The following SGCZ variants were observed in gnomAD, a reference collection of about 807,000 sequenced individuals.
SGCZ encodes zeta-sarcoglycan.
A neutral mutation model predicts 41.3 loss-of-function variants in SGCZ; 40 were observed. That is an observed-to-expected ratio of 0.97 (90% CI 0.75 to 1.26). The LOEUF (loss-of-function observed/expected upper bound fraction) is 1.26. Among genes scored for constraint, SGCZ ranks in the 50% most tolerant of loss-of-function variants. The probability of loss-of-function intolerance (pLI) is 0.00; values close to 1 mark genes in which losing one functional copy is unlikely to be tolerated. For synonymous variants in SGCZ, 206 were observed against 137.5 expected (o/e 1.50, Z -3.49); for missense variants, 552 against 369.8 (o/e 1.49, Z -4.04).
At chr8:15,035,549 A>G (rs758465081) in intron 1 of SGCZ, among the ~76,000 whole-genome samples, 11 of 152,144 alleles carry the variant, frequency 7.2e-5, no homozygotes, top group South Asian at 2.1e-4. Flanking sequence ...ATCAAATGAC[A>G]TAGAGTAGCT....
intron 5 of SGCZ, among the ~76,000 whole-genome samples, chr8:14,146,922 C>A (rs1001702669): frequency 1.5e-4 from 22 of 149,534 alleles, no homozygotes; most frequent in Non-Finnish European, 3.0e-4. Flanking sequence ...AGCAACTTTT[C>A]CAAGACATAG....
chr8:15,034,990 AT>A lies in SGCZ; in HGVS notation c.39+202594del, dbSNP rs377131318. Among the ~76,000 whole-genome samples the A allele has an allele frequency of 5.9e-5, 9 of 152,320 alleles. No individual in the cohort carries two copies. In the East Asian group the frequency reaches 1.4e-3, roughly 23 times the overall value. On this transcript the variant is annotated intron_variant, in intron 1 of 7. Transcript: ENST00000382080. ...TTTTAAGCTGAAACAAAGGAGTATA[AT>A]TAGTAATGAAAACACCTGAAAGTAT... is the stretch of plus-strand genomic sequence containing the variant.
chr8:15,226,015 A>G (rs149937778), intron 1 of SGCZ, among the ~76,000 whole-genome samples: 1 of 152,210 alleles, frequency 6.6e-6, no homozygotes, highest in Non-Finnish European at 1.5e-5. Context: ...AGCTATGATG[A>G]CTAAGTAACT....
At position 15,170,530 on chromosome 8, in the gene SGCZ, A is replaced by G. The variant is rs2117061667; in HGVS notation, c.39+67055T>C. On this transcript the variant is annotated intron_variant, in intron 1 of 7. Transcript: ENST00000382080. ...AATTCTTTCTCAGTGCCCCAACTCT[A>G]AAGTGCTTTCTTCTTCAACAGACTG... is the stretch of plus-strand genomic sequence containing the variant. 2.6e-5 allele frequency among the ~76,000 whole-genome samples: 4 copies of G among 152,312 alleles called. No individual in the cohort carries two copies. In the South Asian group the frequency reaches 8.3e-4, roughly 32 times the overall value.
At chr8:14,369,877 A>G (rs1322710459) in intron 2 of SGCZ, among the ~76,000 whole-genome samples, 2 of 152,178 alleles carry the variant, frequency 1.3e-5, no homozygotes, top group East Asian at 1.9e-4. Context: ...AACTAGTGAG[A>G]GAAAAATCAA....
chr8:14,318,964 C>G (rs146150156), intron 3 of SGCZ, among the ~76,000 whole-genome samples: 1 of 150,578 alleles, frequency 6.6e-6, no homozygotes, highest in African/African-American at 2.4e-5. Flanking sequence ...AATTAGAGAG[C>G]GTAAGGGCAA....
rs971486027 is a variant in SGCZ, at chr8:14,967,554, A to G, written c.39+270031T>C. On this transcript the variant is annotated intron_variant, in intron 1 of 7. Transcript: ENST00000382080. ...CTGCTTATTTGACATCAAGTTTTCT[A>G]TCCTTCAAAGGCATCTCAAACTCGC... 2.6e-5 allele frequency among the ~76,000 whole-genome samples: 4 copies of G among 152,146 alleles called. 1 individual carries two copies. In the East Asian group the frequency reaches 7.7e-4, roughly 29 times the overall value.
chr8:14,129,488 A>G (rs1802969480), intron 5 of SGCZ, among the ~76,000 whole-genome samples: 1 of 151,872 alleles, frequency 6.6e-6, no homozygotes, highest in South Asian at 2.1e-4. Flanking sequence ...GGGTAATGAA[A>G]GAAACCATAA....
rs146248989 is a variant in SGCZ, at chr8:14,419,873, A to C, written c.235-95669T>G. On this transcript the variant is annotated intron_variant, in intron 2 of 7. Transcript: ENST00000382080. ...CTTGAAAGTCCAATCTTTATGCCGA[A>C]ATTATTAGCGTTTGTTTCTAAAGCG... Among the ~76,000 whole-genome samples the C allele has an allele frequency of 6.3e-3, 965 of 152,174 alleles. 5 individuals carry two copies. Among genetic ancestry groups the C allele is most frequent in the Admixed American group, 0.013 (191 of 15,222 alleles).
At chr8:15,018,014 G>T (rs1416064869) in intron 1 of SGCZ, among the ~76,000 whole-genome samples, 2 of 152,136 alleles carry the variant, frequency 1.3e-5, no homozygotes, top group Non-Finnish European at 2.9e-5. Context: ...ACAGGTGTGA[G>T]CCACTGCGCC....
intron 1 of SGCZ, among the ~76,000 whole-genome samples, chr8:14,968,902 C>G (rs11780537): frequency 0.071 from 10,699 of 151,758 alleles, 550 homozygotes; most frequent in African/African-American, 0.13. Context: ...TTCATTCGAG[C>G]TTTTTTTTCT....
chr8:15,112,740 C>A (rs756215955), intron 1 of SGCZ, among the ~76,000 whole-genome samples: 1 of 152,140 alleles, frequency 6.6e-6, no homozygotes, highest in Non-Finnish European at 1.5e-5. Context: ...TAACCGCTAG[C>A]ACCAACTTAC....
chr8:15,183,277 T>C lies in SGCZ; in HGVS notation c.39+54308A>G, dbSNP rs148037204. 3.5e-3 allele frequency among the ~76,000 whole-genome samples: 532 copies of C among 152,384 alleles called. 2 individuals are homozygous for C. Among genetic ancestry groups the C allele is most frequent in the African/African-American group, 0.012 (505 of 41,596 alleles). ...ATTATATACTGTACATAATTTTCTATGCTAGGCTGTCATACAGCTGGCAAC... is the reference window on the plus strand; with the variant it reads ...ATTATATACTGTACATAATTTTCTACGCTAGGCTGTCATACAGCTGGCAAC... On this transcript the variant is annotated intron_variant, in intron 1 of 7. Coordinates refer to ENST00000382080, the MANE Select transcript of SGCZ (RefSeq NM_139167.4).
chr8:14,548,482 T>C (rs946195520), intron 2 of SGCZ, among the ~76,000 whole-genome samples: 2 of 152,166 alleles, frequency 1.3e-5, no homozygotes, highest in Admixed American at 1.3e-4. Context: ...TTGTGGGTTT[T>C]TGAGAAAAAT....
At chr8:14,335,078 C>T (rs929949162) in intron 2 of SGCZ, among the ~76,000 whole-genome samples, 1 of 152,048 alleles carries the variant, frequency 6.6e-6, no homozygotes, top group African/African-American at 2.4e-5. Context: ...GTTGACTCTC[C>T]TTGGGATTAG....
chr8:15,035,127 AT>A (rs1803827758), intron 1 of SGCZ, among the ~76,000 whole-genome samples: 2 of 152,148 alleles, frequency 1.3e-5, no homozygotes, highest in South Asian at 4.1e-4. Context: ...AAAACTATTA[AT>A]GATAATAATA....
chr8:14,364,506 C>T (rs1418376001), intron 2 of SGCZ, among the ~76,000 whole-genome samples: 1 of 152,146 alleles, frequency 6.6e-6, no homozygotes, highest in East Asian at 1.9e-4. Flanking sequence ...CATTGCCATT[C>T]TTCCATGGGA....
intron 1 of SGCZ, among the ~76,000 whole-genome samples, chr8:14,843,919 A>G (rs1010234301): frequency 2.6e-5 from 4 of 151,960 alleles, no homozygotes; most frequent in Admixed American, 6.6e-5. Context: ...ACACTGTACT[A>G]TGCCTGAAAT....
chr8:14,142,419 G>C (rs1000483313), intron 5 of SGCZ, among the ~76,000 whole-genome samples: 2 of 152,112 alleles, frequency 1.3e-5, no homozygotes, highest in Non-Finnish European at 2.9e-5. Context: ...TGGCTCTAAA[G>C]TGTTCCCACC....
Sources: gnomAD v4.1 joint callset for allele counts (sites outside exome capture counted in the v4.1 genomes callset) on GRCh38, gnomAD v4.1.1 for gene constraint, MANE v1.5 for transcripts, NCBI Gene and HGNC (gene_info 2026-07-23, HGNC 2026-07-21) for gene names.